SEL1L3: variants seen among roughly 807,000 people sequenced by gnomAD.
SEL1L3 encodes SEL1L family member 3.
SEL1L3 carries 76 observed loss-of-function variants against 142.8 expected under a neutral mutation model. The ratio of observed to expected loss-of-function variants is 0.53; its 90% CI spans 0.44 to 0.64. The LOEUF is 0.64. Among genes scored for constraint, SEL1L3 ranks in the 30% least tolerant of loss-of-function variants. The pLI, the probability that SEL1L3 is intolerant of heterozygous loss-of-function variation, is 0.00. For missense variants in SEL1L3, 1,262 were observed against 1,381.7 expected (o/e 0.91, Z 1.37); for synonymous variants, 504 against 519.6 (o/e 0.97, Z 0.41).
chr4:25,756,424 T>C (rs1717962413), intron 23 of SEL1L3: 1 of 985,052 alleles, frequency 1.0e-6, no homozygotes, highest in Admixed American at 6.1e-5. Flanking sequence ...ATATGCCAGA[T>C]AAATATAACA....
the SEL1L3 span, among the ~76,000 whole-genome samples, chr4:25,737,118 G>A: frequency 5.3e-5 from 8 of 151,886 alleles, no homozygotes; most frequent in Non-Finnish European, 1.2e-4. Flanking sequence ...CCAAGTAGTT[G>A]GGACTACAGG....
intron 6 of SEL1L3, among the ~76,000 whole-genome samples, chr4:25,825,880 G>A (rs1715065358): frequency 1.3e-5 from 2 of 151,642 alleles, no homozygotes; most frequent in South Asian, 4.2e-4. Flanking sequence ...TCACCATGTT[G>A]GCCAGATGGT....
chr4:25,714,520 CTTTCTTTCTTTCT>C, the SEL1L3 span, among the ~76,000 whole-genome samples: 252 of 109,632 alleles, frequency 2.3e-3, 1 homozygote, highest in South Asian at 0.01. Flanking sequence ...TTCTTTCTTT[CTTTCTTTCTTTCT>C]TTCTTTCTTT....
chr4:25,769,839 T>A (rs1719027880), intron 17 of SEL1L3, among the ~76,000 whole-genome samples: 1 of 152,182 alleles, frequency 6.6e-6, no homozygotes, highest in Non-Finnish European at 1.5e-5. Context: ...AATGAGGTTT[T>A]TTCTGGCCAG....
intron 23 of SEL1L3, among the ~76,000 whole-genome samples, chr4:25,753,419 T>C (rs11736599): frequency 0.31 from 46,831 of 152,126 alleles, 7,352 homozygotes; most frequent in Admixed American, 0.36. Flanking sequence ...ATTTCCTCTT[T>C]TTTACAGTCA....
chr4:25,836,720 G>A (rs1161841600), intron 2 of SEL1L3, among the ~76,000 whole-genome samples: 1 of 152,064 alleles, frequency 6.6e-6, no homozygotes, highest in Admixed American at 6.6e-5. Context: ...TAAATGGTGG[G>A]AACAGTCTAT....
intron 1 of SEL1L3, chr4:25,862,022 T>A (rs1309736230): frequency 6.6e-6 from 1 of 152,102 alleles, no homozygotes; most frequent in Non-Finnish European, 1.5e-5. Context: ...TTCTCTGAAA[T>A]GACAATGTTC....
At chr4:25,834,289 A>G (rs1358413572) in intron 3 of SEL1L3, among the ~76,000 whole-genome samples, 1 of 152,250 alleles carries the variant, frequency 6.6e-6, no homozygotes, top group African/African-American at 2.4e-5. Context: ...TCCATCAATC[A>G]TTCAGAAAAG....
chr4:25,819,117 T>G (rs1276204095), intron 8 of SEL1L3, among the ~76,000 whole-genome samples: 1 of 152,230 alleles, frequency 6.6e-6, no homozygotes, highest in Non-Finnish European at 1.5e-5. Context: ...TGCCACCATA[T>G]CAAACAGCAA....
At chr4:25,854,855 T>C (rs868585494) in intron 1 of SEL1L3, among the ~76,000 whole-genome samples, 13 of 152,164 alleles carry the variant, frequency 8.5e-5, no homozygotes, top group Admixed American at 1.3e-4. Context: ...AGGACTGAGA[T>C]GGATTGTTTG....
chr4:25,758,576 T>A (rs1718153420), intron 21 of SEL1L3, among the ~76,000 whole-genome samples: 1 of 152,240 alleles, frequency 6.6e-6, no homozygotes, highest in Non-Finnish European at 1.5e-5. Context: ...GTACCTTCTA[T>A]ATCTTAAACT....
Position 25,862,883 on chromosome 4 carries a change from G to C in SEL1L3, c.-47C>G, listed in dbSNP as rs1424821938. ...GCCGGAACAGGTCACCTGGTGCAGG[G>C]ACCGGCCCCCGCCCGAGGCGCCACC... On this transcript the variant is annotated 5_prime_UTR_variant, in exon 1 of 24. Coordinates refer to ENST00000399878, the MANE Select transcript of SEL1L3 (RefSeq NM_015187.5). 3 of 1,057,592 alleles carry C rather than the reference G, an allele frequency of 2.8e-6. No homozygotes were observed. Among genetic ancestry groups the C allele is most frequent in the Middle Eastern group, 4.3e-4 (1 of 2,304 alleles). 65.5% of individuals were successfully genotyped at this position (1,057,592 alleles called of 1,614,324 possible). A position where few individuals can be genotyped will look rare whatever the true frequency, so the allele number is the denominator to read the frequency against.
At chr4:25,853,662 ACCT>A (rs1290580898) in intron 1 of SEL1L3, among the ~76,000 whole-genome samples, 2 of 126,322 alleles carry the variant, frequency 1.6e-5, no homozygotes, top group African/African-American at 6.4e-5. Context: ...TGCTCTTCTT[ACCT>A]TTTTTTTTTT....
intron 9 of SEL1L3, among the ~76,000 whole-genome samples, chr4:25,805,916 TAA>T (rs926961730): frequency 6.6e-6 from 1 of 152,228 alleles, no homozygotes; most frequent in Non-Finnish European, 1.5e-5. Flanking sequence ...ATGTAAATGT[TAA>T]GTTAAATGTC....
chr4:25,852,660 T>G (rs1349402600), intron 1 of SEL1L3, among the ~76,000 whole-genome samples: 1 of 152,222 alleles, frequency 6.6e-6, no homozygotes, highest in Non-Finnish European at 1.5e-5. Flanking sequence ...ATAAGACATT[T>G]GCTTATTTTG....
chr4:25,798,747 G>C (rs1712967974), intron 11 of SEL1L3, among the ~76,000 whole-genome samples: 1 of 152,196 alleles, frequency 6.6e-6, no homozygotes, highest in South Asian at 2.1e-4. Flanking sequence ...AGGATCACTT[G>C]AACCCAGGAG....
At chr4:25,828,987 A>G (rs1337477045) in intron 6 of SEL1L3, among the ~76,000 whole-genome samples, 1 of 151,952 alleles carries the variant, frequency 6.6e-6, no homozygotes, top group South Asian at 2.1e-4. Flanking sequence ...TTATTTTTTT[A>G]TTTTAAGACA....
chr4:25,768,642 T>C (rs1373211097), intron 17 of SEL1L3, among the ~76,000 whole-genome samples: 1 of 152,200 alleles, frequency 6.6e-6, no homozygotes, highest in African/African-American at 2.4e-5. Flanking sequence ...GAGTTCATGG[T>C]AGAGCTGTGT....
chr4:25,817,839 A>G (rs1307017140), intron 9 of SEL1L3, among the ~76,000 whole-genome samples: 1 of 152,154 alleles, frequency 6.6e-6, no homozygotes, highest in Non-Finnish European at 1.5e-5. Context: ...GGTATTTTCC[A>G]AATCAACTGC....
Sources: allele counts gnomAD v4.1 joint callset (sites outside exome capture counted in the v4.1 genomes callset), GRCh38; gene constraint gnomAD v4.1.1; transcripts MANE v1.5; gene names NCBI Gene and HGNC (gene_info 2026-07-23, HGNC 2026-07-21).